The following NEK10 variants were observed in gnomAD, a reference collection of about 807,000 sequenced individuals.
The protein encoded by NEK10 is serine/threonine-protein kinase Nek10.
Under a neutral mutation model 159.8 loss-of-function variants are expected in NEK10, and 122 were observed. The ratio of observed to expected loss-of-function variants is 0.76; its 90% CI spans 0.66 to 0.89. NEK10 has a LOEUF of 0.89. NEK10 is among the 40% of genes least tolerant of loss of function. The pLI is 0.00. For missense variants in NEK10, 1,342 were observed against 1,323.1 expected, an observed-to-expected ratio of 1.01 and a Z score of -0.22; for synonymous variants, 466 against 457.1, an observed-to-expected ratio of 1.02 and a Z score of -0.25.
intron 23 of NEK10, among the ~76,000 whole-genome samples, chr3:27,210,322 C>A (rs1182826649): frequency 6.6e-6 from 1 of 152,130 alleles, no homozygotes; most frequent in African/African-American, 2.4e-5. Flanking sequence ...TCACTTGGAT[C>A]TCCCTCTAGT....
At chr3:27,330,838 G>C (rs1176430048) in intron 5 of NEK10, among the ~76,000 whole-genome samples, 5 of 152,146 alleles carry the variant, frequency 3.3e-5, no homozygotes, top group Admixed American at 2.6e-4. Flanking sequence ...GTCCAGGAAA[G>C]ACACTGGACA....
At chr3:27,140,340 C>A (rs1943662095) in intron 31 of NEK10, among the ~76,000 whole-genome samples, 1 of 152,008 alleles carries the variant, frequency 6.6e-6, no homozygotes, top group Admixed American at 6.6e-5. Context: ...GAGGAAGGCC[C>A]CTGAAATATT....
Position 27,162,400 on chromosome 3 carries a change from A to G in NEK10, c.2869+301T>C, listed in dbSNP as rs902010665. 2.5e-6 allele frequency: 4 copies of G among 1,588,748 alleles called. No homozygotes were observed. In the African/African-American group the frequency reaches 4.0e-5, roughly 16 times the overall value. On this transcript the variant is annotated intron_variant, in intron 30 of 35. Coordinates refer to ENST00000691995, the MANE Select transcript of NEK10 (RefSeq NM_001394966.1). ...AGCATCGTTCAGACATCTCAGGCCCAACTATAATTCTGCATTTGCCCATTG... is the reference window on the plus strand; with the variant it reads ...AGCATCGTTCAGACATCTCAGGCCCGACTATAATTCTGCATTTGCCCATTG...
intron 24 of NEK10, 80 bp from the exon 25 acceptor site, chr3:27,201,660 G>A: frequency 1.0e-6 from 1 of 967,068 alleles, no homozygotes; most frequent in Non-Finnish European, 1.6e-6. Context: ...ACCATAACCT[G>A]AGAGTTACTA....
intron 5 of NEK10, among the ~76,000 whole-genome samples, chr3:27,332,807 C>A (rs73149730): frequency 2.6e-5 from 4 of 152,122 alleles, no homozygotes; most frequent in African/African-American, 9.7e-5. Flanking sequence ...TGGATACCAA[C>A]GCCCTTTGTA....
At chr3:27,274,273 C>T (rs2041599718) in intron 22 of NEK10, among the ~76,000 whole-genome samples, 1 of 152,020 alleles carries the variant, frequency 6.6e-6, no homozygotes, top group Non-Finnish European at 1.5e-5. Flanking sequence ...GTTATGATGA[C>T]ACAGAGCTTC....
intron 25 of NEK10, among the ~76,000 whole-genome samples, chr3:27,195,578 T>C (rs1194089958): frequency 6.6e-6 from 1 of 152,216 alleles, no homozygotes; most frequent in Non-Finnish European, 1.5e-5. Flanking sequence ...AATTGTCAGT[T>C]CTAACTTATT....
intron 5 of NEK10, among the ~76,000 whole-genome samples, chr3:27,326,162 T>A (rs1198345733): frequency 2.0e-5 from 3 of 152,196 alleles, no homozygotes; most frequent in Non-Finnish European, 4.4e-5. Context: ...TTACTAAAAA[T>A]ATGGTTATTC....
rs139276603 is a variant in NEK10 at position 27,239,900 on chromosome 3, T to C, written c.2090+16396A>G. ...TTTTTATTTTCTGGCTATAGAAATG[T>C]TCATAGGCCAAAACAGTAAAAATAA... On this transcript the variant is annotated intron_variant, in intron 23 of 35. Coordinates refer to ENST00000691995, the MANE Select transcript of NEK10 (RefSeq NM_001394966.1). Among the ~76,000 whole-genome samples the C allele has an allele frequency of 3.2e-4, 48 of 152,230 alleles. 2 individuals carry two copies. The East Asian group carries it at 8.5e-3, about 27-fold the overall frequency.
chr3:27,273,570 T>C (rs2041541275), intron 22 of NEK10, among the ~76,000 whole-genome samples: 1 of 152,216 alleles, frequency 6.6e-6, no homozygotes, highest in Non-Finnish European at 1.5e-5. Context: ...TATGGGTGGT[T>C]GTTCCTTTTC....
intron 1 of NEK10, among the ~76,000 whole-genome samples, chr3:27,360,365 A>T (rs1412635976): frequency 6.6e-6 from 1 of 152,230 alleles, no homozygotes; most frequent in Admixed American, 6.5e-5. Context: ...ATTCAAAAGC[A>T]CATAAAAAAT....
Position 27,307,879 on chromosome 3 carries a change from T to G in NEK10, c.783A>C (p.Glu261Asp). 6.5e-7 allele frequency: 1 copy of G among 1,546,124 alleles called. No homozygotes were observed. Among genetic ancestry groups the G allele is most frequent in the Non-Finnish European group, 8.9e-7 (1 of 1,118,702 alleles). The change falls in exon 11 of 36, where the codon GAA becomes GAC. Residue 261 changes from glutamate (E) to aspartate (D), a missense_variant. By Grantham distance (45) the Glu-to-Asp change is conservative. Transcript: ENST00000691995. ...CCTACCTTTTAGAAAGCAAGTCATATTCATGTAAAATCATCAACAGATTTT... is the reference window on the plus strand; with the variant it reads ...CCTACCTTTTAGAAAGCAAGTCATAGTCATGTAAAATCATCAACAGATTTT... Reference protein sequence around the residue: ...IVENLLMILHEYDLLSKRLTA... With the variant: ...IVENLLMILHDYDLLSKRLTA...
intron 22 of NEK10, among the ~76,000 whole-genome samples, chr3:27,259,020 T>C (rs2040150059): frequency 6.6e-6 from 1 of 152,234 alleles, no homozygotes; most frequent in Admixed American, 6.5e-5. Context: ...ATGTCTTCTT[T>C]TGAGAAGTGT....
In NEK10 at chr3:27,282,538, T is replaced by TTATA. The variant is rs10525422; in HGVS notation, c.2014+2060_2014+2063dup. 2.7e-3 allele frequency among the ~76,000 whole-genome samples: 112 copies of TTATA among 42,130 alleles called. 23 individuals are homozygous for TTATA. The highest frequency in any genetic ancestry group is 3.3e-3 in the Non-Finnish European group (62 of 18,944). 27.6% of individuals were successfully genotyped at this position (42,130 alleles called of 152,430 possible). A position where few individuals can be genotyped will look rare whatever the true frequency, so the allele number is the denominator to read the frequency against. On this transcript the variant is annotated intron_variant, in intron 22 of 35. Coordinates refer to ENST00000691995, the MANE Select transcript of NEK10 (RefSeq NM_001394966.1). ...TCTGTTGTATATATACATAAATGTGTTATATATATATATATATATATACAT... is the reference window on the plus strand; with the variant it reads ...TCTGTTGTATATATACATAAATGTGTTATATATATATATATATATATATATACAT...
At chr3:27,299,822 T>A (rs1358894845) in intron 13 of NEK10, among the ~76,000 whole-genome samples, 1 of 152,238 alleles carries the variant, frequency 6.6e-6, no homozygotes, top group African/African-American at 2.4e-5. Context: ...GCTTGGGGCC[T>A]GTAGCCCCCC....
intron 31 of NEK10, among the ~76,000 whole-genome samples, chr3:27,139,284 C>T (rs897695583): frequency 6.6e-6 from 1 of 152,116 alleles, no homozygotes; most frequent in African/African-American, 2.4e-5. Context: ...AATAGCTTGC[C>T]ACTCTGTGTC....
At chr3:27,350,454 G>T (rs2047887644) in intron 3 of NEK10, among the ~76,000 whole-genome samples, 1 of 152,116 alleles carries the variant, frequency 6.6e-6, no homozygotes, top group Non-Finnish European at 1.5e-5. Flanking sequence ...TTTACCAAAA[G>T]GAGAACAGGG....
intron 5 of NEK10, among the ~76,000 whole-genome samples, chr3:27,341,419 T>C (rs1249908547): frequency 6.6e-6 from 1 of 152,188 alleles, no homozygotes; most frequent in Non-Finnish European, 1.5e-5. Context: ...ACTTGATCAT[T>C]ACACATTCTA....
intron 22 of NEK10, among the ~76,000 whole-genome samples, chr3:27,259,981 A>T (rs1490530892): frequency 6.6e-6 from 1 of 152,164 alleles, no homozygotes. Context: ...CTTTGAAGCA[A>T]TTGTGAATGC....
Sources: allele counts gnomAD v4.1 joint callset (sites outside exome capture counted in the v4.1 genomes callset), GRCh38; gene constraint gnomAD v4.1.1; transcripts MANE v1.5; gene names NCBI Gene and HGNC (gene_info 2026-07-23, HGNC 2026-07-21).